BACH2: variants seen among roughly 807,000 people sequenced by gnomAD.
BACH2 encodes the protein transcription regulator protein BACH2.
In BACH2, 5 loss-of-function variants were observed where a neutral mutation model predicts 61.8. The ratio of observed to expected loss-of-function variants is 0.08; its 90% CI spans 0.04 to 0.17. The LOEUF is 0.17. Ranked by LOEUF, BACH2 falls within the 10% of genes least tolerant of loss-of-function variation. The pLI, the probability that BACH2 is intolerant of heterozygous loss-of-function variation, is 1.00. For missense variants in BACH2, 824 were observed against 1,091.1 expected, an observed-to-expected ratio of 0.76 and a Z score of 3.45; for synonymous variants, 446 against 440.1, an observed-to-expected ratio of 1.01 and a Z score of -0.17.
chr6:90,037,195 T>A (rs1351647165), intron 5 of BACH2, among the ~76,000 whole-genome samples: 2 of 152,214 alleles, frequency 1.3e-5, no homozygotes, highest in Non-Finnish European at 2.9e-5. Flanking sequence ...ACTTGCTGAC[T>A]CTTCAATAGT....
chr6:90,047,757 T>TG (rs965708977), intron 5 of BACH2, among the ~76,000 whole-genome samples: 41 of 152,250 alleles, frequency 2.7e-4, no homozygotes, highest in Admixed American at 2.2e-3. Context: ...TGCTGGGGCC[T>TG]GAGTTCTCTC....
chr6:90,295,801 C>G (rs1772340713), intron 1 of BACH2, among the ~76,000 whole-genome samples: 1 of 152,252 alleles, frequency 6.6e-6, no homozygotes, highest in African/African-American at 2.4e-5. Context: ...CGATCTTTCG[C>G]TAGGAGAGAT....
intron 2 of BACH2, among the ~76,000 whole-genome samples, chr6:90,260,096 G>A (rs922781602): frequency 1.3e-5 from 2 of 151,686 alleles, no homozygotes; most frequent in African/African-American, 4.8e-5. Flanking sequence ...TACTAATCTG[G>A]TTTTAGTTTG....
At chr6:90,095,083 A>G (rs932187100) in intron 4 of BACH2, among the ~76,000 whole-genome samples, 1 of 152,184 alleles carries the variant, frequency 6.6e-6, no homozygotes, top group African/African-American at 2.4e-5. Flanking sequence ...TTGGTAACAA[A>G]CATCTTGAGA....
At chr6:90,155,721 A>T (rs1784973854) in intron 4 of BACH2, among the ~76,000 whole-genome samples, 1 of 152,084 alleles carries the variant, frequency 6.6e-6, no homozygotes, top group Non-Finnish European at 1.5e-5. Context: ...TTTTTTTCCT[A>T]GCAATTACCA....
At chr6:89,979,433 A>G (rs1246498551) in intron 6 of BACH2, among the ~76,000 whole-genome samples, 1 of 152,228 alleles carries the variant, frequency 6.6e-6, no homozygotes, top group East Asian at 1.9e-4. Flanking sequence ...CAGATAAGCA[A>G]TAACTCAATG....
At chr6:90,177,571 C>T (rs115171715) in intron 4 of BACH2, among the ~76,000 whole-genome samples, 1 of 152,136 alleles carries the variant, frequency 6.6e-6, no homozygotes. Context: ...TACGTTAGCT[C>T]CTTGGGCCTC....
At chr6:90,127,210 CAAAG>C (rs1355859292) in intron 4 of BACH2, among the ~76,000 whole-genome samples, 1 of 152,190 alleles carries the variant, frequency 6.6e-6, no homozygotes, top group East Asian at 1.9e-4. Flanking sequence ...GAAGTTGCTC[CAAAG>C]AGAGACTGTG....
chr6:90,204,541 A>C (rs1039111388), intron 4 of BACH2, among the ~76,000 whole-genome samples: 3 of 152,112 alleles, frequency 2.0e-5, no homozygotes, highest in African/African-American at 7.2e-5. Flanking sequence ...ATAATATCCC[A>C]AGCAACAGAC....
At position 89,951,284 on chromosome 6, in the gene BACH2, C is replaced by A. The variant is rs367713504; in HGVS notation, c.822G>T (p.Gln274His). 6.2e-7 allele frequency: 1 copy of A among 1,614,118 alleles called. No individual in the cohort carries two copies. The highest frequency in any genetic ancestry group is 1.1e-5 in the South Asian group (1 of 91,092). The change falls in exon 7 of 9, where the codon CAG (glutamine) becomes CAT (histidine). Residue 274 changes from glutamine to histidine, a missense_variant. Transcript: ENST00000257749. This position sits in a 1 kb window ranked among gnomAD's most constrained non-coding sequence, Gnocchi z 6.4. ...CTTCACTGGGCGGCTCACTTTTAAT[C>A]TGCCCCCTGGCAAGCCCCGGCTTGA... ...NSLKPGLARG[Q>H]IKSEPPSEEN...
intron 5 of BACH2, among the ~76,000 whole-genome samples, chr6:90,026,681 C>T (rs1351570690): frequency 6.6e-6 from 1 of 152,160 alleles, no homozygotes; most frequent in Non-Finnish European, 1.5e-5. Context: ...CTGATCTCTA[C>T]TGTTGCCTGC....
At chr6:90,212,226 G>A (rs919635693) in intron 3 of BACH2, among the ~76,000 whole-genome samples, 4 of 148,602 alleles carry the variant, frequency 2.7e-5, no homozygotes, top group Non-Finnish European at 6.0e-5. Context: ...ATTACAGAAA[G>A]CTAATCCCTC....
At chr6:90,124,417 C>T (rs1324444846) in intron 4 of BACH2, among the ~76,000 whole-genome samples, 1 of 152,202 alleles carries the variant, frequency 6.6e-6, no homozygotes, top group Non-Finnish European at 1.5e-5. Context: ...TACACTTTAA[C>T]CTGCTACTCA....
intron 4 of BACH2, among the ~76,000 whole-genome samples, chr6:90,176,026 G>A (rs1451646565): frequency 1.3e-5 from 2 of 152,122 alleles, no homozygotes; most frequent in Non-Finnish European, 2.9e-5. Flanking sequence ...GCTGTGGCTG[G>A]CCCAAGCTCT....
chr6:90,150,837 T>C (rs1784789179), intron 4 of BACH2, among the ~76,000 whole-genome samples: 2 of 152,024 alleles, frequency 1.3e-5, no homozygotes, highest in African/African-American at 4.8e-5. Context: ...GCCAAAACAG[T>C]GGTGGGTTCA....
At chr6:89,945,824 GT>G (rs1773689320) in intron 7 of BACH2, among the ~76,000 whole-genome samples, 1 of 152,164 alleles carries the variant, frequency 6.6e-6, no homozygotes. Context: ...GGTGCTCCCA[GT>G]TTTTTCTTAT....
rs77145237 is a variant in BACH2, at chr6:90,052,992, T to C, written c.-13+35969A>G. Among the ~76,000 whole-genome samples, 130 of 152,296 alleles carry C rather than the reference T, an allele frequency of 8.5e-4. 1 individual carries two copies. The East Asian group carries it at 0.024, about 28-fold the overall frequency. On this transcript the variant is annotated intron_variant, in intron 5 of 8. Transcript: ENST00000257749. The stretch of plus-strand genomic sequence containing the variant: ...TTCCTATGCTTTATGTATTTTTTCT[T>C]TCTTTTTTGATTTTTAAAAATCAGG...
At chr6:90,068,255 G>C in intron 5 of BACH2, among the ~76,000 whole-genome samples, 1 of 152,156 alleles carries the variant, frequency 6.6e-6, no homozygotes, top group African/African-American at 2.4e-5. Context: ...ACATGGTACA[G>C]AATATATTCA....
chr6:89,998,659 G>C (rs1299890925), intron 6 of BACH2, among the ~76,000 whole-genome samples: 1 of 151,652 alleles, frequency 6.6e-6, no homozygotes, highest in Non-Finnish European at 1.5e-5. Flanking sequence ...TATTTTCTTT[G>C]TGCTTTTAAG....
Sources: gnomAD v4.1 joint callset for allele counts (sites outside exome capture counted in the v4.1 genomes callset) on GRCh38, gnomAD v4.1.1 for gene constraint, Gnocchi (gnomAD v3.1) non-coding constraint, MANE v1.5 for transcripts, NCBI Gene and HGNC (gene_info 2026-07-23, HGNC 2026-07-21) for gene names.